Variants in YBX1 observed in about 807,000 individuals in gnomAD.
YBX1 encodes Y-box-binding protein 1.
In YBX1, 3 loss-of-function variants were observed where a neutral mutation model predicts 41.4. The observed-to-expected ratio is 0.07, with a 90% CI of 0.03 to 0.19. YBX1 has a LOEUF of 0.19. Ranked by LOEUF, YBX1 falls within the 10% of genes least tolerant of loss-of-function variation. The pLI is 1.00. For synonymous variants in YBX1, 133 were observed against 165.8 expected (o/e 0.80, Z 1.52); for missense variants, 274 against 462.8 (o/e 0.59, Z 3.74).
At chr1:42,687,529 G>T (rs1011875086) in intron 2 of YBX1, among the ~76,000 whole-genome samples, 1 of 152,116 alleles carries the variant, frequency 6.6e-6, no homozygotes, top group African/African-American at 2.4e-5. Flanking sequence ...TGATCCACCC[G>T]CCTAGGCCTC....
intron 2 of YBX1, among the ~76,000 whole-genome samples, chr1:42,691,437 C>G (rs1650324204): frequency 6.6e-6 from 1 of 152,118 alleles, no homozygotes; most frequent in Admixed American, 6.5e-5. Flanking sequence ...CTCACTGCAC[C>G]CTCATTTCCG....
At chr1:42,693,921 A>C (rs1025594255) in intron 3 of YBX1, among the ~76,000 whole-genome samples, 2 of 152,238 alleles carry the variant, frequency 1.3e-5, no homozygotes, top group African/African-American at 2.4e-5. Context: ...AAATCTCCAT[A>C]ATCAAGGGTA....
chr1:42,684,356 A>C (rs190348525), intron 2 of YBX1, among the ~76,000 whole-genome samples: 2 of 152,246 alleles, frequency 1.3e-5, no homozygotes, highest in African/African-American at 4.8e-5. Flanking sequence ...TGCTAGTTAC[A>C]TGGGTGCAGA....
At chr1:42,691,189 A>G (rs1189162310) in intron 2 of YBX1, among the ~76,000 whole-genome samples, 5 of 152,224 alleles carry the variant, frequency 3.3e-5, no homozygotes. Flanking sequence ...CGTTTTCAGT[A>G]AATACCTTGA....
In YBX1 at chr1:42,693,501, A is replaced by G; in HGVS notation, c.242A>G (p.Lys81Arg). ...GYGFINRNDTKEDVFVHQTAI... is the reference protein window; with the variant it reads ...GYGFINRNDTREDVFVHQTAI... ...GTTCTGTCTTGCAGGAATGACACCA[A>G]GGAAGATGTATTTGTACACCAGGTG... is the stretch of plus-strand genomic sequence containing the variant. Residue 81 changes from lysine to arginine, a missense_variant, in exon 3 of 8, where the codon AAG becomes AGG. By Grantham distance (26) the Lys-to-Arg change is conservative. Transcript: ENST00000321358. 1 of 1,613,762 alleles carries G rather than the reference A, an allele frequency of 6.2e-7. No individual in the cohort carries two copies. The highest frequency in any genetic ancestry group is 1.1e-5 in the South Asian group (1 of 91,052).
intron 2 of YBX1, 102 bp downstream of exon 2, chr1:42,683,568 G>A: frequency 7.4e-7 from 1 of 1,356,588 alleles, no homozygotes; most frequent in East Asian, 2.3e-5. Flanking sequence ...GCTCTGTTCT[G>A]AAAGGCGTTT....
intron 2 of YBX1, among the ~76,000 whole-genome samples, chr1:42,690,620 A>C (rs1446026477): frequency 2.0e-5 from 3 of 152,202 alleles, no homozygotes; most frequent in Non-Finnish European, 2.9e-5. Context: ...ATAGAAAGAA[A>C]GACTTTATCC....
rs1434450802 is a variant in YBX1 at position 42,696,077 on chromosome 1, C to T, written c.265-122C>T. The stretch of plus-strand genomic sequence containing the variant: ...TTCCTAAATTTATTGATGGTTTGGT[C>T]TTATTTAAAGCAAATCTTAAGTGTA... On this transcript the variant is annotated intron_variant, in intron 3 of 7. Coordinates refer to ENST00000321358, the MANE Select transcript of YBX1 (RefSeq NM_004559.5). This position sits in a 1 kb window ranked among gnomAD's most constrained non-coding sequence, Gnocchi z 5.7. 3.8e-6 allele frequency: 3 copies of T among 793,814 alleles called. No individual in the cohort carries two copies. The highest frequency in any genetic ancestry group is 5.6e-6 in the Non-Finnish European group (3 of 535,558). The allele number at this position is 793,814 out of a possible 1,614,324, so 49.2% of individuals were successfully genotyped here.
intron 2 of YBX1, among the ~76,000 whole-genome samples, chr1:42,690,103 A>T (rs535577846): frequency 4.6e-5 from 7 of 152,116 alleles, no homozygotes; most frequent in Non-Finnish European, 8.8e-5. Context: ...CTGTAATCCC[A>T]GCTACTCATG....
chr1:42,684,040 A>C (rs1557527849), intron 2 of YBX1, among the ~76,000 whole-genome samples: 1 of 152,186 alleles, frequency 6.6e-6, no homozygotes, highest in Non-Finnish European at 1.5e-5. Context: ...TAAATAATAT[A>C]TTTACAAGAA....
chr1:42,691,276 T>C (rs2148737952), intron 2 of YBX1, among the ~76,000 whole-genome samples: 1 of 152,326 alleles, frequency 6.6e-6, no homozygotes, highest in East Asian at 1.9e-4. Context: ...ACTGTGTTAG[T>C]TTCACATATC....
chr1:42,683,410 G>C lies in YBX1; in HGVS notation c.174G>C (p.Lys58Asn). The C allele has an allele frequency of 1.2e-6, 2 of 1,614,210 alleles. No individual in the cohort carries two copies. The highest frequency in any genetic ancestry group is 1.7e-6 in the Non-Finnish European group (2 of 1,180,028). ...AGGDKKVIAT[K>N]VLGTVKWFNV... ...CTTTGTTTTCTTTTCCAGCAACGAAGGTTTTGGGAACAGTAAAATGGTTCA... is the reference window on the plus strand; with the variant it reads ...CTTTGTTTTCTTTTCCAGCAACGAACGTTTTGGGAACAGTAAAATGGTTCA... Residue 58 changes from lysine (K) to asparagine (N), a missense_variant, in exon 2 of 8, where the codon AAG becomes AAC. By Grantham distance (94) the Lys-to-Asn change is moderately conservative. Transcript: ENST00000321358.
At position 42,682,702 on chromosome 1, in the gene YBX1, C is replaced by T; in HGVS notation, c.137C>T (p.Ala46Val). 5 of 1,248,122 alleles carry T rather than the reference C, an allele frequency of 4.0e-6. No individual in the cohort carries two copies. The highest frequency in any genetic ancestry group is 3.3e-5 in the East Asian group (1 of 30,072). 77.3% of individuals were successfully genotyped at this position (1,248,122 alleles called of 1,614,324 possible). The change falls in exon 1 of 8, where the codon GCG becomes GTG. Residue 46 changes from alanine (A) to valine (V), a missense_variant. By Grantham distance (64) the Ala-to-Val change is moderately conservative (BLOSUM62 0). Transcript: ENST00000321358. ...GGCCCGGGCGGCCTCACATCGGCGG[C>T]GCCTGCCGGCGGGGACAAGAAGGTC... ...SGGPGGLTSAAPAGGDKKVIA... is the reference protein window; with the variant it reads ...SGGPGGLTSAVPAGGDKKVIA...
intron 1 of YBX1, 48 bp from the exon 2 acceptor site, chr1:42,683,355 A>G (rs760588087): frequency 6.2e-6 from 10 of 1,612,884 alleles, no homozygotes; most frequent in Non-Finnish European, 8.5e-6. Context: ...GGATTTGGAA[A>G]AGGATAGCTG....
intron 2 of YBX1, among the ~76,000 whole-genome samples, chr1:42,687,940 G>A (rs1650237532): frequency 1.3e-5 from 2 of 152,216 alleles, no homozygotes; most frequent in Non-Finnish European, 2.9e-5. Context: ...TGCTAAGGGA[G>A]AGATGTCGAA....
chr1:42,684,591 G>A (rs1254139434), intron 2 of YBX1, among the ~76,000 whole-genome samples: 2 of 152,214 alleles, frequency 1.3e-5, no homozygotes, highest in Non-Finnish European at 2.9e-5. Flanking sequence ...CAGAGTAAGA[G>A]ATAAGCATTT....
chr1:42,697,333 C>G, intron 6 of YBX1, 71 bp downstream of exon 6: 6 of 1,453,432 alleles, frequency 4.1e-6, no homozygotes, highest in Non-Finnish European at 5.7e-6. Flanking sequence ...AATATCATGC[C>G]TCTCCTGCAG....
intron 2 of YBX1, among the ~76,000 whole-genome samples, chr1:42,684,834 A>G (rs1650153919): frequency 6.6e-6 from 1 of 152,142 alleles, no homozygotes; most frequent in Non-Finnish European, 1.5e-5. Flanking sequence ...TTTAGTTTGT[A>G]TTTCTGTCTT....
At chr1:42,684,556 A>T (rs147765685) in intron 2 of YBX1, among the ~76,000 whole-genome samples, 128 of 152,354 alleles carry the variant, frequency 8.4e-4, no homozygotes, top group African/African-American at 3.0e-3. Flanking sequence ...TTCATTAATC[A>T]ATCATAGAGT....
Sources: allele counts gnomAD v4.1 joint callset (sites outside exome capture counted in the v4.1 genomes callset), GRCh38; gene constraint gnomAD v4.1.1; non-coding constraint Gnocchi (gnomAD v3.1); transcripts MANE v1.5; gene names NCBI Gene and HGNC (gene_info 2026-07-23, HGNC 2026-07-21).